BMPR2: variants seen among roughly 807,000 people sequenced by gnomAD.
The protein encoded by BMPR2 is bone morphogenetic protein receptor type 2, also known as bone morphogenetic protein receptor type-2.
BMPR2 carries 29 observed loss-of-function variants against 100.8 expected under a neutral mutation model. That is an observed-to-expected ratio of 0.29 (90% CI 0.21 to 0.39). The LOEUF (loss-of-function observed/expected upper bound fraction) is 0.39. BMPR2 is among the 10% of genes least tolerant of loss of function. The pLI, the probability that BMPR2 is intolerant of heterozygous loss-of-function variation, is 1.00. For missense variants in BMPR2, 1,011 were observed against 1,274.5 expected (o/e 0.79, Z 3.15); for synonymous variants, 382 against 442.3 (o/e 0.86, Z 1.71).
intron 1 of BMPR2, among the ~76,000 whole-genome samples, chr2:202,409,052 C>G (rs182340125): frequency 2.4e-4 from 36 of 152,250 alleles, no homozygotes; most frequent in African/African-American, 8.4e-4. Flanking sequence ...TTCATCAAAA[C>G]AGGTATATGA....
intron 1 of BMPR2, among the ~76,000 whole-genome samples, chr2:202,450,569 T>TA (rs1309570076): frequency 6.6e-6 from 1 of 151,282 alleles, no homozygotes; most frequent in African/African-American, 2.4e-5. Context: ...CGCATGCCTA[T>TA]AATCCCAGCT....
rs1688760662 is a variant in BMPR2, at chr2:202,566,255, A to T, written c.*6309A>T. 6.6e-6 allele frequency: 1 copy of T among 152,622 alleles called. No homozygotes were observed. The highest frequency in any genetic ancestry group is 2.4e-5 in the African/African-American group (1 of 41,462). 9.5% of individuals were successfully genotyped at this position (152,622 alleles called of 1,614,324 possible). A position where few individuals can be genotyped will look rare whatever the true frequency, so the allele number is the denominator to read the frequency against. ...CATGTTTTAGATGCATTCTACAGAC[A>T]TCATGTTACTTAAAAACTCAGGGCC... On this transcript the variant is annotated 3_prime_UTR_variant, in exon 13 of 13. Transcript: ENST00000374580.
chr2:202,468,127 G>A (rs186852990), intron 3 of BMPR2, among the ~76,000 whole-genome samples: 300 of 152,046 alleles, frequency 2.0e-3, no homozygotes, highest in African/African-American at 6.7e-3. Context: ...CCTGAAATCC[G>A]AAAGCGATGC....
intron 5 of BMPR2, 110 bp downstream of exon 5, chr2:202,515,089 C>T: frequency 1.7e-6 from 2 of 1,159,582 alleles, no homozygotes; most frequent in South Asian, 2.5e-5. Flanking sequence ...ACCCTATTTA[C>T]TAAATTACAA....
chr2:202,559,601 T>G (rs1049316789), intron 12 of BMPR2, 95 bp from the exon 13 acceptor site: 11 of 1,335,190 alleles, frequency 8.2e-6, no homozygotes, highest in Non-Finnish European at 1.2e-5. Flanking sequence ...AGCACCCTCC[T>G]GAGACATTGG....
At chr2:202,393,618 A>G (rs1272482284) in intron 1 of BMPR2, among the ~76,000 whole-genome samples, 1 of 152,116 alleles carries the variant, frequency 6.6e-6, no homozygotes, top group East Asian at 1.9e-4. Flanking sequence ...TTAATGTTAG[A>G]AAGCCTTGAG....
At chr2:202,522,928 C>T (rs1286001032) in intron 7 of BMPR2, among the ~76,000 whole-genome samples, 1 of 152,028 alleles carries the variant, frequency 6.6e-6, no homozygotes, top group Admixed American at 6.6e-5. Context: ...TCAAAAGAAA[C>T]TATCCACGGA....
chr2:202,452,207 T>C (rs1692005129), intron 1 of BMPR2, among the ~76,000 whole-genome samples: 1 of 152,230 alleles, frequency 6.6e-6, no homozygotes, highest in Non-Finnish European at 1.5e-5. Flanking sequence ...TGATCTGCTT[T>C]AGATTACTTT....
At chr2:202,444,840 G>A (rs543369847) in intron 1 of BMPR2, among the ~76,000 whole-genome samples, 1 of 150,872 alleles carries the variant, frequency 6.6e-6, no homozygotes, top group African/African-American at 2.5e-5. Flanking sequence ...CCAGGCTGAA[G>A]TGCAATGGCA....
At chr2:202,444,073 C>T (rs1691802023) in intron 1 of BMPR2, among the ~76,000 whole-genome samples, 2 of 150,674 alleles carry the variant, frequency 1.3e-5, no homozygotes, top group African/African-American at 2.5e-5. Context: ...CAAATATCCC[C>T]TGGGGCGTAA....
At position 202,495,395 on chromosome 2, in the gene BMPR2, G is replaced by C. The variant is rs1020730047; in HGVS notation, c.419-18324G>C. Reference sequence around the variant, plus strand: ...CCGCGTCGTTGTCGTTCTGTCGACGGCCTGCCGGCGTGCGGGTGCCTATCG... The same window carrying C: ...CCGCGTCGTTGTCGTTCTGTCGACGCCCTGCCGGCGTGCGGGTGCCTATCG... On this transcript the variant is annotated intron_variant, in intron 3 of 12. Coordinates refer to ENST00000374580, the MANE Select transcript of BMPR2 (RefSeq NM_001204.7). This position sits in a 1 kb window ranked among gnomAD's most constrained non-coding sequence, Gnocchi z 4.5. Among the ~76,000 whole-genome samples, 3 of 152,212 alleles carry C rather than the reference G, an allele frequency of 2.0e-5. No homozygotes were observed. Among genetic ancestry groups the C allele is most frequent in the Admixed American group, 6.5e-5 (1 of 15,282 alleles).
chr2:202,521,356 C>T (rs1023641256), intron 7 of BMPR2, among the ~76,000 whole-genome samples: 2 of 152,064 alleles, frequency 1.3e-5, no homozygotes, highest in African/African-American at 2.4e-5. Flanking sequence ...TGCTTGAGCT[C>T]GGGAGTTTGA....
chr2:202,524,714 G>T (rs752759006), intron 7 of BMPR2, among the ~76,000 whole-genome samples: 1 of 152,142 alleles, frequency 6.6e-6, no homozygotes, highest in Admixed American at 6.6e-5. Flanking sequence ...CTGCACTCCA[G>T]CCTGGGCAGC....
At chr2:202,486,060 T>C (rs1692771790) in intron 3 of BMPR2, among the ~76,000 whole-genome samples, 1 of 152,030 alleles carries the variant, frequency 6.6e-6, no homozygotes, top group African/African-American at 2.4e-5. Flanking sequence ...TGGTCTACAC[T>C]CATTAATGCC....
chr2:202,453,038 A>G, intron 1 of BMPR2, among the ~76,000 whole-genome samples: 1 of 152,168 alleles, frequency 6.6e-6, no homozygotes, highest in African/African-American at 2.4e-5. Flanking sequence ...TGCTATCTGG[A>G]TGAAGCTGGA....
chr2:202,465,065 C>G, intron 2 of BMPR2, 86 bp downstream of exon 2: 1 of 1,525,754 alleles, frequency 6.6e-7, no homozygotes. Flanking sequence ...TGTTAAAATC[C>G]TGTTCAGAAA....
chr2:202,425,889 G>A (rs746877963), intron 1 of BMPR2, among the ~76,000 whole-genome samples: 1 of 151,994 alleles, frequency 6.6e-6, no homozygotes, highest in Non-Finnish European at 1.5e-5. Context: ...ATTACAAAGT[G>A]AAAAAACAGC....
intron 1 of BMPR2, among the ~76,000 whole-genome samples, chr2:202,456,749 A>G (rs1692116642): frequency 6.6e-6 from 1 of 152,072 alleles, no homozygotes; most frequent in Admixed American, 6.6e-5. Flanking sequence ...TCCTGACCTC[A>G]GGTAATTCAC....
At chr2:202,384,994 C>CT (rs1690397603) in intron 1 of BMPR2, among the ~76,000 whole-genome samples, 1 of 152,106 alleles carries the variant, frequency 6.6e-6, no homozygotes, top group Admixed American at 6.6e-5. Flanking sequence ...TGATCATGTA[C>CT]TTTCATTCTG....
Sources: gnomAD v4.1 joint callset for allele counts (sites outside exome capture counted in the v4.1 genomes callset) on GRCh38, gnomAD v4.1.1 for gene constraint, Gnocchi (gnomAD v3.1) non-coding constraint, MANE v1.5 for transcripts, NCBI Gene and HGNC (gene_info 2026-07-23, HGNC 2026-07-21) for gene names.